GPR158: variants seen among roughly 807,000 people sequenced by gnomAD.
GPR158 encodes G protein-coupled receptor 158.
GPR158 carries 30 observed loss-of-function variants against 78.2 expected under a neutral mutation model. The observed-to-expected ratio is 0.38, with a 90% CI of 0.29 to 0.52. The LOEUF is 0.52. GPR158 is among the 20% of genes least tolerant of loss of function. The probability of loss-of-function intolerance (pLI) is 0.83; values close to 1 mark genes in which losing one functional copy is unlikely to be tolerated. For missense variants in GPR158, 1,463 were observed against 1,523.5 expected (o/e 0.96, Z 0.66); for synonymous variants, 581 against 591.1 (o/e 0.98, Z 0.25).
chr10:25,591,667 C>A (rs1300778747), intron 8 of GPR158, among the ~76,000 whole-genome samples: 2 of 152,094 alleles, frequency 1.3e-5, no homozygotes, highest in African/African-American at 4.8e-5. Flanking sequence ...GACTAACTAG[C>A]TTGGTAGGCT....
rs143781569 is a variant in GPR158 at position 25,304,303 on chromosome 10, A to G, written c.1008+83146A>G. ...TGGATATCTAAACTCAAGATTGCTGACAGGGTTTTGTGAGATATAAATGTT... is the reference window on the plus strand; with the variant it reads ...TGGATATCTAAACTCAAGATTGCTGGCAGGGTTTTGTGAGATATAAATGTT... On this transcript the variant is annotated intron_variant, in intron 2 of 10. Transcript: ENST00000376351. 9.1e-4 allele frequency among the ~76,000 whole-genome samples: 139 copies of G among 152,252 alleles called. 1 individual carries two copies. The highest frequency in any genetic ancestry group is 2.9e-3 in the African/African-American group (120 of 41,552).
At chr10:25,585,150 T>C (rs532279020) in intron 7 of GPR158, among the ~76,000 whole-genome samples, 2 of 152,218 alleles carry the variant, frequency 1.3e-5, no homozygotes, top group Non-Finnish European at 2.9e-5. Flanking sequence ...GGAACCCTTA[T>C]GCAAGCAAAT....
intron 4 of GPR158, among the ~76,000 whole-genome samples, chr10:25,416,647 A>G (rs1176643007): frequency 1.3e-5 from 2 of 152,148 alleles, no homozygotes; most frequent in East Asian, 3.9e-4. Context: ...TATAGGAATA[A>G]GTTTGTTACT....
chr10:25,253,636 C>G (rs994844391), intron 2 of GPR158, among the ~76,000 whole-genome samples: 3 of 152,060 alleles, frequency 2.0e-5, no homozygotes, highest in African/African-American at 7.2e-5. Flanking sequence ...GATGTAAGAA[C>G]ATTTTCCAAT....
At chr10:25,349,796 C>T (rs1195207041) in intron 2 of GPR158, among the ~76,000 whole-genome samples, 3 of 136,230 alleles carry the variant, frequency 2.2e-5, no homozygotes, top group Non-Finnish European at 3.0e-5. Context: ...TCACAAGTTT[C>T]AGGGGTTAGG....
At chr10:25,270,945 T>C (rs147262802) in intron 2 of GPR158, among the ~76,000 whole-genome samples, 60 of 152,336 alleles carry the variant, frequency 3.9e-4, no homozygotes, top group African/African-American at 1.4e-3. Context: ...TAAATCCTTA[T>C]CAAGACCTAT....
intron 2 of GPR158, among the ~76,000 whole-genome samples, chr10:25,260,474 C>T (rs1279167574): frequency 6.6e-6 from 1 of 151,858 alleles, no homozygotes; most frequent in Non-Finnish European, 1.5e-5. Context: ...CTTTTTAGGA[C>T]ACACAGTTAA....
At chr10:25,356,490 C>T (rs1855554171) in intron 2 of GPR158, among the ~76,000 whole-genome samples, 1 of 151,996 alleles carries the variant, frequency 6.6e-6, no homozygotes, top group Non-Finnish European at 1.5e-5. Context: ...CCATAATTTC[C>T]ACTTGTTGTG....
In GPR158 at chr10:25,598,790, C is replaced by T; in HGVS notation, c.3164C>T (p.Ala1055Val). The T allele has an allele frequency of 1.2e-6, 2 of 1,614,130 alleles. No homozygotes were observed. Among genetic ancestry groups the T allele is most frequent in the Non-Finnish European group, 1.7e-6 (2 of 1,180,022 alleles). Residue 1055 changes from alanine to valine, a missense_variant, in exon 11 of 11, where the codon GCT (alanine) becomes GTT (valine). Ala to Val is a moderately conservative substitution (Grantham distance 64). Transcript: ENST00000376351. The stretch of plus-strand genomic sequence containing the variant: ...AAATCTCACCACAAGCCTAAGGCAG[C>T]TGAGGTTTGTCAGCAATCCAATCAG... ...KEKSHHKPKA[A>V]EVCQQSNQKR...
At chr10:25,313,737 A>C (rs906623479) in intron 2 of GPR158, among the ~76,000 whole-genome samples, 2 of 152,148 alleles carry the variant, frequency 1.3e-5, no homozygotes, top group East Asian at 3.9e-4. Context: ...TCAGTTTGTT[A>C]ATATTTTACT....
chr10:25,237,271 C>G (rs55687608), intron 2 of GPR158, among the ~76,000 whole-genome samples: 16 of 152,304 alleles, frequency 1.1e-4, no homozygotes, highest in Non-Finnish European at 1.6e-4. Flanking sequence ...CCTGGTTATT[C>G]ATGGAACTCT....
intron 5 of GPR158, among the ~76,000 whole-genome samples, chr10:25,497,428 A>G (rs1835896681): frequency 6.6e-6 from 1 of 152,236 alleles, no homozygotes; most frequent in Non-Finnish European, 1.5e-5. Context: ...GCCTATTAAC[A>G]GTCAGTGGAA....
intron 1 of GPR158, among the ~76,000 whole-genome samples, chr10:25,184,325 G>A (rs1166770773): frequency 6.6e-6 from 1 of 152,108 alleles, no homozygotes; most frequent in Non-Finnish European, 1.5e-5. Context: ...TAAGTAGCTG[G>A]GAGTACAGGC....
intron 2 of GPR158, among the ~76,000 whole-genome samples, chr10:25,228,120 A>T (rs1242485421): frequency 2.6e-5 from 4 of 152,248 alleles, no homozygotes; most frequent in Middle Eastern, 6.8e-3. Context: ...AAAAAATTTT[A>T]AAAAATTAGC....
chr10:25,440,203 C>T (rs1835050105), intron 4 of GPR158, among the ~76,000 whole-genome samples: 1 of 152,210 alleles, frequency 6.6e-6, no homozygotes, highest in Non-Finnish European at 1.5e-5. Context: ...TTACCATACA[C>T]AGATCTTAGA....
chr10:25,321,791 G>C (rs1481646795), intron 2 of GPR158, among the ~76,000 whole-genome samples: 3 of 152,032 alleles, frequency 2.0e-5, no homozygotes, highest in Admixed American at 6.6e-5. Context: ...GCAAGACAGG[G>C]CTGTAAACCT....
At chr10:25,570,613 T>C (rs1039057542) in intron 6 of GPR158, among the ~76,000 whole-genome samples, 21 of 152,202 alleles carry the variant, frequency 1.4e-4, no homozygotes, top group African/African-American at 4.3e-4. Flanking sequence ...AGAGGTTTCA[T>C]AGAAATAAGT....
At chr10:25,254,554 G>A (rs1853867177) in intron 2 of GPR158, among the ~76,000 whole-genome samples, 2 of 151,944 alleles carry the variant, frequency 1.3e-5, no homozygotes. Context: ...AATGAGATGG[G>A]GATCACTAAG....
At chr10:25,329,025 C>A (rs1234606591) in intron 2 of GPR158, among the ~76,000 whole-genome samples, 1 of 151,110 alleles carries the variant, frequency 6.6e-6, no homozygotes, top group Non-Finnish European at 1.5e-5. Flanking sequence ...TGATTACTTT[C>A]CATTTACTAT....
Sources: gnomAD v4.1 joint callset for allele counts (sites outside exome capture counted in the v4.1 genomes callset) on GRCh38, gnomAD v4.1.1 for gene constraint, MANE v1.5 for transcripts, NCBI Gene and HGNC (gene_info 2026-07-23, HGNC 2026-07-21) for gene names.